The following PTPN4 variants were observed in gnomAD, a reference collection of about 807,000 sequenced individuals.
PTPN4 encodes the protein tyrosine-protein phosphatase non-receptor type 4.
A neutral mutation model predicts 135.5 loss-of-function variants in PTPN4; 49 were observed. The ratio of observed to expected loss-of-function variants is 0.36; its 90% CI spans 0.29 to 0.46. PTPN4 has a LOEUF of 0.46. PTPN4 is among the 20% of genes least tolerant of loss of function. The pLI is 1.00. For synonymous variants in PTPN4, 333 were observed against 369.9 expected (o/e 0.90, Z 1.14); for missense variants, 860 against 1,101.0 (o/e 0.78, Z 3.10).
chr2:119,938,407 A>G (rs146724825), intron 15 of PTPN4, among the ~76,000 whole-genome samples: 3,656 of 152,118 alleles, frequency 0.024, 65 homozygotes, highest in Non-Finnish European at 0.033. Flanking sequence ...GATTACAGGC[A>G]TGAGCCACCA....
chr2:119,784,301 A>G (rs553977595), intron 1 of PTPN4, among the ~76,000 whole-genome samples: 1 of 144,344 alleles, frequency 6.9e-6, no homozygotes, highest in Admixed American at 6.9e-5. Flanking sequence ...TTGAGACAGA[A>G]TCTCCTGGGC....
intron 2 of PTPN4, among the ~76,000 whole-genome samples, chr2:119,820,957 T>G (rs998529087): frequency 5.8e-4 from 88 of 151,906 alleles, no homozygotes; most frequent in African/African-American, 1.9e-3. Context: ...ATAGCAAGAT[T>G]TACTTTTGAA....
At chr2:119,908,140 A>G (rs777618725) in intron 10 of PTPN4, among the ~76,000 whole-genome samples, 5 of 152,202 alleles carry the variant, frequency 3.3e-5, no homozygotes, top group Non-Finnish European at 7.3e-5. Context: ...AAAGGAAACA[A>G]TCGACAGAGT....
chr2:119,949,683 AAATTTTT>A (rs1273564883), intron 18 of PTPN4, among the ~76,000 whole-genome samples: 4 of 152,104 alleles, frequency 2.6e-5, no homozygotes, highest in African/African-American at 9.7e-5. Flanking sequence ...TCTACAAAAA[AAATTTTT>A]AAATTCACCA....
At chr2:119,820,147 C>T (rs574199465) in intron 2 of PTPN4, among the ~76,000 whole-genome samples, 2 of 152,286 alleles carry the variant, frequency 1.3e-5, no homozygotes, top group Admixed American at 1.3e-4. Context: ...AGGCATGAGC[C>T]GCGGTGCCTG....
intron 22 of PTPN4, among the ~76,000 whole-genome samples, chr2:119,957,398 A>G (rs985714967): frequency 1.8e-4 from 27 of 151,978 alleles, no homozygotes; most frequent in African/African-American, 6.5e-4. Flanking sequence ...GGAGCCCCCA[A>G]CCCCTGGGCC....
intron 24 of PTPN4, among the ~76,000 whole-genome samples, chr2:119,963,469 A>G (rs1231289392): frequency 2.6e-5 from 4 of 152,242 alleles, no homozygotes; most frequent in African/African-American, 9.6e-5. Context: ...AATAACTGCT[A>G]GAGAAGAGCA....
At chr2:119,925,773 ACT>A (rs1678815348) in intron 12 of PTPN4, among the ~76,000 whole-genome samples, 1 of 152,166 alleles carries the variant, frequency 6.6e-6, no homozygotes, top group African/African-American at 2.4e-5. Flanking sequence ...CAGATCTATT[ACT>A]TTCTCCACCA....
chr2:119,957,219 G>A, intron 22 of PTPN4, 142 bp downstream of exon 22: 1 of 782,238 alleles, frequency 1.3e-6, no homozygotes, highest in Non-Finnish European at 2.0e-6. Flanking sequence ...TAATATTAAA[G>A]AAAATATTTT....
At chr2:119,912,005 G>A (rs1678578246) in intron 10 of PTPN4, among the ~76,000 whole-genome samples, 1 of 152,140 alleles carries the variant, frequency 6.6e-6, no homozygotes, top group Non-Finnish European at 1.5e-5. Context: ...ATTTGTAATA[G>A]CCGAAAACTA....
At chr2:119,971,923 A>G (rs1188749185) in intron 26 of PTPN4, among the ~76,000 whole-genome samples, 2 of 152,226 alleles carry the variant, frequency 1.3e-5, no homozygotes, top group Non-Finnish European at 2.9e-5. Context: ...GAATTGTCTC[A>G]GGGCTCTTGT....
At chr2:119,933,489 G>T (rs1191595607) in intron 14 of PTPN4, among the ~76,000 whole-genome samples, 2 of 151,964 alleles carry the variant, frequency 1.3e-5, no homozygotes, top group Non-Finnish European at 2.9e-5. Flanking sequence ...GACCAGCCTG[G>T]TGAACATAGT....
intron 26 of PTPN4, among the ~76,000 whole-genome samples, chr2:119,973,160 C>T (rs1354010939): frequency 6.6e-6 from 1 of 151,854 alleles, no homozygotes; most frequent in Admixed American, 6.6e-5. Context: ...AAAAAAACTC[C>T]CCATTTTCTC....
At chr2:119,762,765 T>A (rs1271400642) in intron 1 of PTPN4, among the ~76,000 whole-genome samples, 1 of 152,174 alleles carries the variant, frequency 6.6e-6, no homozygotes, top group Non-Finnish European at 1.5e-5. Context: ...TGGCTAAATA[T>A]GAATTGTTGC....
At chr2:119,955,892 G>A (rs575060966) in intron 20 of PTPN4, among the ~76,000 whole-genome samples, 19 of 151,894 alleles carry the variant, frequency 1.3e-4, no homozygotes, top group South Asian at 6.2e-4. Flanking sequence ...AGCTGAGATC[G>A]CGCCACTGCA....
chr2:119,871,395 A>G (rs1009111973), intron 3 of PTPN4, among the ~76,000 whole-genome samples: 3 of 152,054 alleles, frequency 2.0e-5, no homozygotes, highest in African/African-American at 7.2e-5. Context: ...TCATAAGAGA[A>G]TAGTTGAATA....
intron 1 of PTPN4, among the ~76,000 whole-genome samples, chr2:119,777,842 G>A (rs944878441): frequency 6.6e-6 from 1 of 151,856 alleles, no homozygotes; most frequent in African/African-American, 2.4e-5. Context: ...TCCCCTAAGA[G>A]ATGAGGTCTT....
chr2:119,806,597 A>G (rs1306257068), intron 1 of PTPN4, among the ~76,000 whole-genome samples: 1 of 152,204 alleles, frequency 6.6e-6, no homozygotes, highest in African/African-American at 2.4e-5. Flanking sequence ...GAGACCTGCA[A>G]AGAGACTTAG....
intron 3 of PTPN4, among the ~76,000 whole-genome samples, chr2:119,874,813 T>G (rs1419895271): frequency 6.6e-6 from 1 of 152,212 alleles, no homozygotes; most frequent in Non-Finnish European, 1.5e-5. Context: ...ATGCTGAGTC[T>G]TGGCATATGC....
Sources: gnomAD v4.1 joint callset for allele counts (sites outside exome capture counted in the v4.1 genomes callset) on GRCh38, gnomAD v4.1.1 for gene constraint, MANE v1.5 for transcripts, NCBI Gene and HGNC (gene_info 2026-07-23, HGNC 2026-07-21) for gene names.